UBR3: variants seen among roughly 807,000 people sequenced by gnomAD.
UBR3 encodes the protein E3 ubiquitin-protein ligase UBR3.
UBR3 carries 85 observed loss-of-function variants against 243.2 expected under a neutral mutation model. The ratio of observed to expected loss-of-function variants is 0.35; its 90% CI spans 0.29 to 0.42. UBR3 has a LOEUF of 0.42. Among genes scored for constraint, UBR3 ranks in the 10% least tolerant of loss-of-function variants. The probability of loss-of-function intolerance (pLI) is 1.00; values close to 1 mark genes in which losing one functional copy is unlikely to be tolerated. For synonymous variants in UBR3, 748 were observed against 799.8 expected, an observed-to-expected ratio of 0.94 and a Z score of 1.09; for missense variants, 1,686 against 2,300.8, an observed-to-expected ratio of 0.73 and a Z score of 5.47.
chr2:169,901,904 T>A (rs2105331324), intron 8 of UBR3, among the ~76,000 whole-genome samples: 1 of 152,360 alleles, frequency 6.6e-6, no homozygotes. Context: ...CTGTAGATGC[T>A]CATAATCCCA....
At chr2:169,838,760 A>G (rs1296760250) in intron 1 of UBR3, among the ~76,000 whole-genome samples, 5 of 152,176 alleles carry the variant, frequency 3.3e-5, no homozygotes, top group East Asian at 3.8e-4. Context: ...CACCAGCTCA[A>G]AAGTCTAAAG....
chr2:169,939,211 A>AC (rs1417696812), intron 19 of UBR3, among the ~76,000 whole-genome samples: 1 of 148,396 alleles, frequency 6.7e-6, no homozygotes, highest in African/African-American at 2.5e-5. Context: ...CTCTCCTCCC[A>AC]CCCCCATTTT....
chr2:170,005,005 C>T (rs1253780647), intron 27 of UBR3, among the ~76,000 whole-genome samples: 3 of 152,082 alleles, frequency 2.0e-5, no homozygotes, highest in Non-Finnish European at 4.4e-5. Context: ...GGATGGATCA[C>T]GAGGTCAGGA....
In UBR3 at chr2:169,827,464, G is replaced by C; in HGVS notation, c.-44G>C. 8.2e-7 allele frequency: 1 copy of C among 1,219,316 alleles called. No homozygotes were observed. The highest frequency in any genetic ancestry group is 1.0e-6 in the Non-Finnish European group (1 of 979,942). The allele number at this position is 1,219,316 out of a possible 1,614,324, so 75.5% of individuals were successfully genotyped here. On this transcript the variant is annotated 5_prime_UTR_variant, in exon 1 of 39. Transcript: ENST00000272793. ...GCAGTCTATTCCCTCACTCTCCCTGGAGGAGCCGCTGGCCCTGGACTCTCC... is the reference window on the plus strand; with the variant it reads ...GCAGTCTATTCCCTCACTCTCCCTGCAGGAGCCGCTGGCCCTGGACTCTCC...
chr2:169,952,257 G>A (rs567955746), intron 23 of UBR3, among the ~76,000 whole-genome samples: 2 of 152,246 alleles, frequency 1.3e-5, no homozygotes, highest in South Asian at 4.1e-4. Context: ...ACTGGGGTGA[G>A]TGGCATTAGA....
intron 36 of UBR3, chr2:170,077,350 G>A (rs1215885664): frequency 5.5e-6 from 5 of 911,932 alleles, no homozygotes; most frequent in African/African-American, 4.9e-5. Context: ...CTCAGTAACA[G>A]TACCTTTGGT....
intron 26 of UBR3, among the ~76,000 whole-genome samples, chr2:169,998,680 G>A (rs528768071): frequency 1.9e-4 from 29 of 152,134 alleles, no homozygotes; most frequent in Non-Finnish European, 3.1e-4. Flanking sequence ...ATTGATTATA[G>A]GATTAAACTG....
intron 11 of UBR3, among the ~76,000 whole-genome samples, chr2:169,920,531 C>A (rs1422004472): frequency 6.6e-6 from 1 of 152,076 alleles, no homozygotes; most frequent in Non-Finnish European, 1.5e-5. Context: ...GGCACCTGGA[C>A]CTCAGGGATG....
chr2:169,886,028 G>A (rs1247774210), intron 5 of UBR3, among the ~76,000 whole-genome samples: 1 of 151,890 alleles, frequency 6.6e-6, no homozygotes, highest in Non-Finnish European at 1.5e-5. Flanking sequence ...ATGATGGCAC[G>A]CGTTTGTAGT....
intron 30 of UBR3, among the ~76,000 whole-genome samples, chr2:170,019,058 T>G (rs1041303499): frequency 6.6e-6 from 1 of 152,194 alleles, no homozygotes; most frequent in African/African-American, 2.4e-5. Flanking sequence ...TTCCTGTCTT[T>G]GGGTCTGAGA....
chr2:170,000,275 C>A (rs1318563995), intron 26 of UBR3, among the ~76,000 whole-genome samples: 1 of 152,100 alleles, frequency 6.6e-6, no homozygotes, highest in Non-Finnish European at 1.5e-5. Context: ...ATTCTTGTGA[C>A]TAGATTTGTA....
At chr2:169,856,206 G>C (rs1231720840) in intron 1 of UBR3, among the ~76,000 whole-genome samples, 1 of 149,726 alleles carries the variant, frequency 6.7e-6, no homozygotes, top group African/African-American at 2.5e-5. Flanking sequence ...GGTCGCGGCC[G>C]GGCAGAGGCG....
chr2:169,897,606 C>T (rs2084642317), intron 8 of UBR3, among the ~76,000 whole-genome samples: 1 of 152,086 alleles, frequency 6.6e-6, no homozygotes, highest in Non-Finnish European at 1.5e-5. Context: ...TCAGTTCAAG[C>T]AGTTCTGCCT....
At chr2:169,954,544 C>G (rs1373790962) in intron 23 of UBR3, among the ~76,000 whole-genome samples, 1 of 151,528 alleles carries the variant, frequency 6.6e-6, no homozygotes, top group Non-Finnish European at 1.5e-5. Context: ...CTCCTAGCCC[C>G]CAATAATATT....
chr2:169,887,318 T>C (rs535413740), intron 5 of UBR3, among the ~76,000 whole-genome samples: 5 of 152,328 alleles, frequency 3.3e-5, no homozygotes, highest in Admixed American at 3.3e-4. Context: ...TGAGATTGTA[T>C]TTGATTTATT....
chr2:169,933,442 T>A (rs1559108484), intron 19 of UBR3, among the ~76,000 whole-genome samples: 1 of 152,222 alleles, frequency 6.6e-6, no homozygotes, highest in Non-Finnish European at 1.5e-5. Flanking sequence ...TTAATTTTAC[T>A]TGTAAATATT....
At chr2:169,856,840 G>A (rs2105298171) in intron 1 of UBR3, among the ~76,000 whole-genome samples, 1 of 151,636 alleles carries the variant, frequency 6.6e-6, no homozygotes, top group African/African-American at 2.4e-5. Context: ...AGAGGGAGGG[G>A]GAGGGGGAGG....
intron 29 of UBR3, chr2:170,014,466 G>A (rs1229907229): frequency 1.3e-5 from 2 of 150,666 alleles, no homozygotes; most frequent in Non-Finnish European, 3.0e-5. Flanking sequence ...TCATACTGTT[G>A]AAGAAAAATA....
Position 169,966,598 on chromosome 2 carries a change from T to C in UBR3, c.3634+8072T>C, listed in dbSNP as rs116386405. On this transcript the variant is annotated intron_variant, in intron 24 of 38. Coordinates refer to ENST00000272793, the MANE Select transcript of UBR3 (RefSeq NM_172070.4). ...ACTTCTTTGGGGAAGCAGTATAGTG[T>C]AGTGGTTGTGAGCATGGACTCTGGA... Among the ~76,000 whole-genome samples, 1,077 of 152,260 alleles carry C rather than the reference T, an allele frequency of 7.1e-3. 9 individuals are homozygous for C. The highest frequency in any genetic ancestry group is 0.013 in the South Asian group (64 of 4,820).
Sources: gnomAD v4.1 joint callset for allele counts (sites outside exome capture counted in the v4.1 genomes callset) on GRCh38, gnomAD v4.1.1 for gene constraint, MANE v1.5 for transcripts, NCBI Gene and HGNC (gene_info 2026-07-23, HGNC 2026-07-21) for gene names.